Variants in ARCN1 observed in about 807,000 individuals in gnomAD.
The protein encoded by ARCN1 is archain 1 coat protein complex I subunit delta.
Under a neutral mutation model 60.4 loss-of-function variants are expected in ARCN1, and 5 were observed. That is an observed-to-expected ratio of 0.08 (90% CI 0.04 to 0.17). ARCN1 has a LOEUF of 0.17. Ranked by LOEUF, ARCN1 falls within the 10% of genes least tolerant of loss-of-function variation. The pLI is 1.00. For missense variants in ARCN1, 464 were observed against 626.5 expected (o/e 0.74, Z 2.77); for synonymous variants, 224 against 220.0 (o/e 1.02, Z -0.16).
intron 8 of ARCN1, among the ~76,000 whole-genome samples, chr11:118,597,272 A>C (rs1273357578): frequency 1.3e-5 from 2 of 152,234 alleles, no homozygotes; most frequent in African/African-American, 4.8e-5. Context: ...ATTGATGTTT[A>C]GAGTTTTCCC....
At chr11:118,585,571 A>C (rs1555075368) in intron 5 of ARCN1, among the ~76,000 whole-genome samples, 3 of 151,984 alleles carry the variant, frequency 2.0e-5, no homozygotes, top group Non-Finnish European at 4.4e-5. Flanking sequence ...ATGGGGTTTC[A>C]CTCTGTCACC....
At chr11:118,580,250 A>T (rs1938621361) in intron 1 of ARCN1, among the ~76,000 whole-genome samples, 1 of 152,356 alleles carries the variant, frequency 6.6e-6, no homozygotes, top group East Asian at 1.9e-4. Context: ...GTTCAAGCCC[A>T]GAAGTTGAGG....
intron 1 of ARCN1, chr11:118,573,499 A>G (rs973511727): frequency 1.9e-6 from 1 of 516,220 alleles, no homozygotes; most frequent in Non-Finnish European, 3.5e-6. Context: ...GTGGATATTC[A>G]TGAAGTAGTA....
rs1591383130 is a variant in ARCN1 at position 118,581,174 on chromosome 11, C to T, written c.4-72C>T. The T allele has an allele frequency of 1.9e-6, 3 of 1,559,994 alleles. No homozygotes were observed. In the East Asian group the frequency reaches 6.8e-5, roughly 35 times the overall value. On this transcript the variant is annotated intron_variant, in intron 1 of 9. Transcript: ENST00000264028. ...TAAATAAATATGTCATTCTATGGAA[C>T]ATTTCCTGAGATGCTGAGAAAACAG... is the stretch of plus-strand genomic sequence containing the variant.
Position 118,585,290 on chromosome 11 carries a change from G to C in ARCN1, c.818+646G>C, listed in dbSNP as rs527292086. Among the ~76,000 whole-genome samples the C allele has an allele frequency of 3.3e-5, 5 of 152,038 alleles. No homozygotes were observed. The South Asian group carries it at 1.0e-3, about 32-fold the overall frequency. Reference sequence around the variant, plus strand: ...TCCTTTTTCCTTAAACCATGATTGGGGGCCCTCAGCCACCTATTTTCTATG... The same window carrying C: ...TCCTTTTTCCTTAAACCATGATTGGCGGCCCTCAGCCACCTATTTTCTATG... On this transcript the variant is annotated intron_variant, in intron 5 of 9. Transcript: ENST00000264028.
Position 118,581,497 on chromosome 11 carries a change from C to G in ARCN1, c.255C>G (p.Leu85=). Residue 85 remains leucine, a synonymous_variant, in exon 2 of 10, where the codon CTC becomes CTG. Transcript: ENST00000264028. Reference sequence around the variant, plus strand: ...TAGAAGATTTGGAGACCCTAAGGCTCTTCTCAAGAGTGGTAAGAGTACTGC... The same window carrying G: ...TAGAAGATTTGGAGACCCTAAGGCTGTTCTCAAGAGTGGTAAGAGTACTGC... The part of the protein sequence containing the change: ...NILEDLETLR[L]FSRVIPEYCR... 3.7e-6 allele frequency: 6 copies of G among 1,612,614 alleles called. No individual in the cohort carries two copies. Among genetic ancestry groups the G allele is most frequent in the Non-Finnish European group, 4.2e-6 (5 of 1,179,216 alleles).
intron 8 of ARCN1, among the ~76,000 whole-genome samples, chr11:118,595,053 T>C (rs1938997152): frequency 6.6e-6 from 1 of 152,106 alleles, no homozygotes; most frequent in Admixed American, 6.5e-5. Context: ...TTTCACTATG[T>C]TGGCCAGGCT....
At position 118,600,785 on chromosome 11, in the gene ARCN1, T is replaced by A; in HGVS notation, c.*71T>A. ...GAAGACGCCAATGATGGCTGAAGAG[T>A]TTTTCCCAGATTTACAAGCCACTGG... On this transcript the variant is annotated 3_prime_UTR_variant, in exon 10 of 10. Coordinates refer to ENST00000264028, the MANE Select transcript of ARCN1 (RefSeq NM_001655.5). 8.8e-7 allele frequency: 1 copy of A among 1,132,872 alleles called. No homozygotes were observed. The highest frequency in any genetic ancestry group is 1.3e-6 in the Non-Finnish European group (1 of 779,476). 70.2% of individuals were successfully genotyped at this position (1,132,872 alleles called of 1,614,324 possible).
At chr11:118,593,927 G>A in intron 8 of ARCN1, 1 of 363,252 alleles carries the variant, frequency 2.8e-6, no homozygotes. Context: ...AGAGAAGAAG[G>A]TACTTCACTT....
chr11:118,584,429 T>A (rs782368928), intron 4 of ARCN1, 51 bp from the exon 5 acceptor site: 1 of 1,539,054 alleles, frequency 6.5e-7, no homozygotes, highest in East Asian at 2.3e-5. Context: ...AGATCATGTG[T>A]GCTTGTAAAA....
At chr11:118,573,124 A>G (rs1938392809) in intron 1 of ARCN1, among the ~76,000 whole-genome samples, 1 of 152,126 alleles carries the variant, frequency 6.6e-6, no homozygotes. Flanking sequence ...ATAGGACCCA[A>G]GTGTCTCTGA....
intron 1 of ARCN1, 26 bp from the exon 2 acceptor site, chr11:118,581,220 C>A (rs782757383): frequency 1.2e-6 from 2 of 1,611,276 alleles, no homozygotes; most frequent in Non-Finnish European, 1.7e-6. Flanking sequence ...ATAATTAGTA[C>A]TTACTTATGC....
rs563484865 is a variant in ARCN1 at position 118,600,873 on chromosome 11, A to G, written c.*159A>G. The G allele has an allele frequency of 1.0e-5, 5 of 498,518 alleles. No individual in the cohort carries two copies. Among genetic ancestry groups the G allele is most frequent in the East Asian group, 7.7e-5 (2 of 26,044 alleles). 30.9% of individuals were successfully genotyped at this position (498,518 alleles called of 1,614,324 possible). A position where few individuals can be genotyped will look rare whatever the true frequency, so the allele number is the denominator to read the frequency against. The stretch of plus-strand genomic sequence containing the variant: ...GCGCAAGGACCCTCGACTCACCCCC[A>G]TGTTTCAGTGTCACAGAGACATTCT... On this transcript the variant is annotated 3_prime_UTR_variant, in exon 10 of 10. Coordinates refer to ENST00000264028, the MANE Select transcript of ARCN1 (RefSeq NM_001655.5).
At chr11:118,573,550 A>G (rs1429627849) in intron 1 of ARCN1, 2 of 562,464 alleles carry the variant, frequency 3.6e-6, no homozygotes, top group South Asian at 4.1e-5. Context: ...TTTATTTTTC[A>G]GTGCACCTTA....
intron 6 of ARCN1, among the ~76,000 whole-genome samples, chr11:118,590,907 C>T (rs1041546710): frequency 7.9e-5 from 12 of 152,176 alleles, no homozygotes; most frequent in Non-Finnish European, 2.9e-5. Context: ...AATACCAGCA[C>T]TCTGAGAGGC....
intron 9 of ARCN1, among the ~76,000 whole-genome samples, chr11:118,599,645 G>T (rs1555077815): frequency 6.6e-6 from 1 of 152,028 alleles, no homozygotes; most frequent in Non-Finnish European, 1.5e-5. Context: ...GGCCAGGCTG[G>T]TCTCTAACTC....
chr11:118,592,847 C>A lies in ARCN1; in HGVS notation c.1123C>A (p.Pro375Thr). The change falls in exon 7 of 10, where the codon CCA becomes ACA. Residue 375 changes from proline to threonine, a missense_variant. Coordinates refer to ENST00000264028, the MANE Select transcript of ARCN1 (RefSeq NM_001655.5). ...ACAAACCACAGAGGAATCTTTTATT[C>A]CACTGACAAGTAAGTGCCTCTGGCC... is the stretch of plus-strand genomic sequence containing the variant. ...RLQTTEESFI[P>T]LTINCWPSES... 6.2e-7 allele frequency: 1 copy of A among 1,613,802 alleles called. No homozygotes were observed. The highest frequency in any genetic ancestry group is 8.5e-7 in the Non-Finnish European group (1 of 1,179,794).
In ARCN1 at chr11:118,601,855, C is replaced by G; in HGVS notation, c.*1141C>G. Reference sequence around the variant, plus strand: ...TCTGTCCAGTTAGGGATTTCACATCCACATGTAATCATGTCTGCTGCTGTT... The same window carrying G: ...TCTGTCCAGTTAGGGATTTCACATCGACATGTAATCATGTCTGCTGCTGTT... On this transcript the variant is annotated 3_prime_UTR_variant, in exon 10 of 10. Coordinates refer to ENST00000264028, the MANE Select transcript of ARCN1 (RefSeq NM_001655.5). The G allele has an allele frequency of 1.6e-6, 1 of 617,452 alleles. No homozygotes were observed. The highest frequency in any genetic ancestry group is 1.8e-5 in the African/African-American group (1 of 54,456). The allele number at this position is 617,452 out of a possible 1,614,324, so 38.2% of individuals were successfully genotyped here. A position where few individuals can be genotyped will look rare whatever the true frequency, so the allele number is the denominator to read the frequency against.
intron 8 of ARCN1, 52 bp from the exon 9 acceptor site, chr11:118,597,655 G>T: frequency 6.3e-7 from 1 of 1,589,620 alleles, no homozygotes; most frequent in Non-Finnish European, 8.6e-7. Flanking sequence ...GTTTTCCGTG[G>T]TGGAGTTCTA....
Sources: gnomAD v4.1 joint callset for allele counts (sites outside exome capture counted in the v4.1 genomes callset) on GRCh38, gnomAD v4.1.1 for gene constraint, MANE v1.5 for transcripts, NCBI Gene and HGNC (gene_info 2026-07-23, HGNC 2026-07-21) for gene names.